The following PLA2G6 variants were observed in gnomAD, a reference collection of about 807,000 sequenced individuals.
PLA2G6 encodes the protein phospholipase A2 group VI, also known as 85/88 kDa calcium-independent phospholipase A2.
Under a neutral mutation model 83.8 loss-of-function variants are expected in PLA2G6, and 62 were observed. The observed-to-expected ratio is 0.74, with a 90% CI of 0.60 to 0.91. PLA2G6 has a LOEUF of 0.91. PLA2G6 is among the 40% of genes least tolerant of loss of function. PLA2G6 has a pLI of 0.00. For missense variants in PLA2G6, 944 were observed against 1,102.0 expected, an observed-to-expected ratio of 0.86 and a Z score of 2.03; for synonymous variants, 417 against 449.8, an observed-to-expected ratio of 0.93 and a Z score of 0.92.
chr22:38,135,608 C>A (rs1569267083), intron 5 of PLA2G6: 1 of 154,660 alleles, frequency 6.5e-6, no homozygotes, highest in African/African-American at 2.4e-5. Flanking sequence ...GCAGTGTCCA[C>A]CAGAGATCTT....
At chr22:38,142,777 A>G (rs1036335394) in intron 4 of PLA2G6, 7 of 404,780 alleles carry the variant, frequency 1.7e-5, no homozygotes, top group Non-Finnish European at 3.3e-5. Flanking sequence ...GAGCCCCTCC[A>G]GGCAGGCATC....
chr22:38,133,300 G>A (rs943114860), intron 6 of PLA2G6: 1 of 526,016 alleles, frequency 1.9e-6, no homozygotes, highest in Non-Finnish European at 3.4e-6. Context: ...CCTTGCAAAG[G>A]CTCCTCTGGG....
intron 2 of PLA2G6, among the ~76,000 whole-genome samples, chr22:38,162,922 G>C (rs529441932): frequency 6.6e-6 from 1 of 152,226 alleles, no homozygotes; most frequent in Non-Finnish European, 1.5e-5. Flanking sequence ...TGAGGCTCTG[G>C]AGGACACACG....
chr22:38,147,840 C>A (rs1199134465), intron 2 of PLA2G6: 2 of 152,734 alleles, frequency 1.3e-5, no homozygotes, highest in Admixed American at 6.5e-5. Context: ...GCGTGAGCCA[C>A]TGTGCTTGGC....
intron 1 of PLA2G6, 64 bp downstream of exon 1, chr22:38,181,600 G>A (rs1421279750): frequency 1.3e-5 from 2 of 152,410 alleles, no homozygotes; most frequent in African/African-American, 2.4e-5. Context: ...GGGGACGCAG[G>A]GGGATGAAAA....
chr22:38,155,351 T>C (rs1261125228), intron 2 of PLA2G6, among the ~76,000 whole-genome samples: 1 of 152,098 alleles, frequency 6.6e-6, no homozygotes, highest in African/African-American at 2.4e-5. Context: ...AAGAAATCAC[T>C]TGAAAGTACA....
chr22:38,135,170 T>G, intron 5 of PLA2G6, 86 bp from the exon 6 acceptor site: 2 of 883,482 alleles, frequency 2.3e-6, no homozygotes, highest in Non-Finnish European at 3.8e-6. Context: ...CTTCATCTAC[T>G]GCTTACAGAG....
At position 38,145,663 on chromosome 22, in the gene PLA2G6, C is replaced by T; in HGVS notation, c.210-10G>A. ...CTCCAGCTGGAAGAGTCTGTAGAGCCAGGACAGAGGAGCAAGACCCGAAAT... is the reference window on the plus strand; with the variant it reads ...CTCCAGCTGGAAGAGTCTGTAGAGCTAGGACAGAGGAGCAAGACCCGAAAT... On this transcript the variant is annotated splice_polypyrimidine_tract_variant and intron_variant, in intron 2 of 16. Coordinates refer to ENST00000332509, the MANE Select transcript of PLA2G6 (RefSeq NM_003560.4). 1 of 1,598,620 alleles carries T rather than the reference C, an allele frequency of 6.3e-7. No individual in the cohort carries two copies. Among genetic ancestry groups the T allele is most frequent in the South Asian group, 1.1e-5 (1 of 89,836 alleles).
In PLA2G6 at chr22:38,116,231, G is replaced by C. The variant is rs924445048; in HGVS notation, c.1743-20C>G. ...ATCACCCTGGAGAGAAATGAGGCAG[G>C]AGGACGGCTGAGCCACCCGCCCATC... is the stretch of plus-strand genomic sequence containing the variant. On this transcript the variant is annotated intron_variant, in intron 12 of 16. Coordinates refer to ENST00000332509, the MANE Select transcript of PLA2G6 (RefSeq NM_003560.4). 6.2e-7 allele frequency: 1 copy of C among 1,613,644 alleles called. No homozygotes were observed. Among genetic ancestry groups the C allele is most frequent in the South Asian group, 1.1e-5 (1 of 91,070 alleles).
At chr22:38,178,667 C>T (rs1024008636) in intron 1 of PLA2G6, among the ~76,000 whole-genome samples, 6 of 152,180 alleles carry the variant, frequency 3.9e-5, no homozygotes, top group Non-Finnish European at 8.8e-5. Flanking sequence ...GAGTTCAAGA[C>T]CGGCCTGGCC....
At chr22:38,113,694 C>T in intron 14 of PLA2G6, 40 bp from the exon 15 acceptor site, 1 of 1,601,272 alleles carries the variant, frequency 6.2e-7, no homozygotes, top group South Asian at 1.1e-5. Context: ...AGAGACCTTC[C>T]ACAGGTAGGG....
At chr22:38,177,322 C>T (rs1027200498) in intron 1 of PLA2G6, among the ~76,000 whole-genome samples, 16 of 152,132 alleles carry the variant, frequency 1.1e-4, no homozygotes, top group African/African-American at 3.6e-4. Flanking sequence ...TCCCTCTGAC[C>T]CCAGCTCATT....
chr22:38,175,166 G>A (rs1237377040), intron 1 of PLA2G6, among the ~76,000 whole-genome samples: 5 of 152,134 alleles, frequency 3.3e-5, no homozygotes, highest in Non-Finnish European at 7.4e-5. Flanking sequence ...TTTCTGTAGT[G>A]AAAGGGGCCT....
chr22:38,120,747 G>T lies in PLA2G6; in HGVS notation c.1742+12C>A. 1 of 1,613,280 alleles carries T rather than the reference G, an allele frequency of 6.2e-7. No individual in the cohort carries two copies. Among genetic ancestry groups the T allele is most frequent in the South Asian group, 1.1e-5 (1 of 91,084 alleles). On this transcript the variant is annotated intron_variant, in intron 12 of 16. Coordinates refer to ENST00000332509, the MANE Select transcript of PLA2G6 (RefSeq NM_003560.4). ...ACAGCTGCGGCCACGGCCCCAGTGC[G>T]CCAGGGCTTACTTGGGTTTCCTGAC...
At position 38,145,515 on chromosome 22, in the gene PLA2G6, G is replaced by T; in HGVS notation, c.348C>A (p.Asn116Lys). 6.2e-7 allele frequency: 1 copy of T among 1,613,350 alleles called. No individual in the cohort carries two copies. Among genetic ancestry groups the T allele is most frequent in the South Asian group, 1.1e-5 (1 of 90,802 alleles). Residue 116 changes from asparagine (N) to lysine (K), a missense_variant, in exon 3 of 17, where the codon AAC becomes AAA. Transcript: ENST00000332509. ...GGTGGGCCACTGACCAGCTGGGGTGGTTACGGATGAGGTCGGTCAGGTGCT... is the reference window on the plus strand; with the variant it reads ...GGTGGGCCACTGACCAGCTGGGGTGTTTACGGATGAGGTCGGTCAGGTGCT... ...VLQHLTDLIR[N>K]HPSWSVAHLA...
chr22:38,111,634 G>C lies in PLA2G6; in HGVS notation c.*527C>G, dbSNP rs1007107166. The C allele has an allele frequency of 1.6e-5, 3 of 188,826 alleles. No homozygotes were observed. In the Admixed American group the frequency reaches 1.6e-4, roughly 10 times the overall value. 11.7% of individuals were successfully genotyped at this position (188,826 alleles called of 1,614,324 possible). ...GTGAGGGGCTGGGCCAGTGTGAGGG[G>C]CAAAGTCCAACGGGCATCCCACTCC... On this transcript the variant is annotated 3_prime_UTR_variant, in exon 17 of 17. Coordinates refer to ENST00000332509, the MANE Select transcript of PLA2G6 (RefSeq NM_003560.4).
In PLA2G6 at chr22:38,132,592, G is replaced by A. The variant is rs2088284723; in HGVS notation, c.1077+239C>T. ...TCTCGTGCCATGCAAGTGCCAAATGGGGGCACAGGTGGAAAAGGTACCACA... is the reference window on the plus strand; with the variant it reads ...TCTCGTGCCATGCAAGTGCCAAATGAGGGCACAGGTGGAAAAGGTACCACA... On this transcript the variant is annotated intron_variant, in intron 7 of 16. Transcript: ENST00000332509. This position sits in a 1 kb window ranked among gnomAD's most constrained non-coding sequence, Gnocchi z 5.0. 1 of 579,548 alleles carries A rather than the reference G, an allele frequency of 1.7e-6. No individual in the cohort carries two copies. The highest frequency in any genetic ancestry group is 3.1e-5 in the Admixed American group (1 of 32,118). 35.9% of individuals were successfully genotyped at this position (579,548 alleles called of 1,614,324 possible).
intron 2 of PLA2G6, among the ~76,000 whole-genome samples, chr22:38,155,765 AAAG>A (rs1310814076): frequency 6.6e-6 from 1 of 152,246 alleles, no homozygotes; most frequent in East Asian, 1.9e-4. Flanking sequence ...GGAAGGAAAG[AAAG>A]AAGATCACAA....
At chr22:38,172,593 CT>C (rs2090477140) in intron 1 of PLA2G6, among the ~76,000 whole-genome samples, 1 of 152,192 alleles carries the variant, frequency 6.6e-6, no homozygotes, top group East Asian at 1.9e-4. Context: ...GCAGTATAGG[CT>C]GAGCCTCTGG....
Sources: gnomAD v4.1 joint callset for allele counts (sites outside exome capture counted in the v4.1 genomes callset) on GRCh38, gnomAD v4.1.1 for gene constraint, Gnocchi (gnomAD v3.1) non-coding constraint, MANE v1.5 for transcripts, NCBI Gene and HGNC (gene_info 2026-07-23, HGNC 2026-07-21) for gene names.